The following ANKRD55 variants were observed in gnomAD, a reference collection of about 807,000 sequenced individuals.
ANKRD55 encodes ankyrin repeat domain-containing protein 55.
In ANKRD55, 41 loss-of-function variants were observed where a neutral mutation model predicts 60.6. The observed-to-expected ratio is 0.68, with a 90% CI of 0.53 to 0.88. The LOEUF (loss-of-function observed/expected upper bound fraction) is 0.88. ANKRD55 is among the 40% of genes least tolerant of loss of function. ANKRD55 has a pLI of 0.00. For missense variants in ANKRD55, 732 were observed against 767.6 expected (o/e 0.95, Z 0.55); for synonymous variants, 264 against 290.3 (o/e 0.91, Z 0.92).
chr5:56,184,083 C>T (rs1401849148), intron 2 of ANKRD55, among the ~76,000 whole-genome samples: 2 of 152,180 alleles, frequency 1.3e-5, no homozygotes, highest in Non-Finnish European at 2.9e-5. Flanking sequence ...GTGAGGCAGC[C>T]TTTCCCACCC....
chr5:56,222,747 G>C (rs1381654436), intron 2 of ANKRD55, among the ~76,000 whole-genome samples: 1 of 152,178 alleles, frequency 6.6e-6, no homozygotes, highest in Admixed American at 6.5e-5. Context: ...GGAAGAAAGG[G>C]TATCAGTGAT....
In ANKRD55 at chr5:56,111,343, G is replaced by T; in HGVS notation, c.1405C>A (p.Arg469=). The part of the protein sequence containing the change: ...LSSAPHHMAQ[R]SQKSRSEQDL... ...TGCTCACTTCGACTTTTCTGAGATC[G>T]CTGGGCCATATGATGAGGAGCAGAG... is the stretch of plus-strand genomic sequence containing the variant. The change falls in exon 10 of 12, where the codon CGA becomes AGA. Residue 469 remains arginine, a synonymous_variant. Transcript: ENST00000341048. 6.2e-7 allele frequency: 1 copy of T among 1,614,120 alleles called. No individual in the cohort carries two copies. Among genetic ancestry groups the T allele is most frequent in the Non-Finnish European group, 8.5e-7 (1 of 1,180,040 alleles).
intron 2 of ANKRD55, among the ~76,000 whole-genome samples, chr5:56,229,667 T>C (rs1760202011): frequency 6.6e-6 from 1 of 151,974 alleles, no homozygotes; most frequent in Admixed American, 6.5e-5. Flanking sequence ...TATAGGAAAA[T>C]GCATGTGGAG....
rs41518846 is a variant in ANKRD55, at chr5:56,127,455, G to C, written c.613-349C>G. The stretch of plus-strand genomic sequence containing the variant: ...CACCTAGACAACAACTTGCTCATTA[G>C]GTCTGATCATTTGTGTCCCCATTTG... On this transcript the variant is annotated intron_variant, in intron 7 of 11. Transcript: ENST00000341048. The C allele has an allele frequency of 3.0e-3, 3,002 of 985,194 alleles. 68 individuals are homozygous for C. In the African/African-American group the frequency reaches 0.048, roughly 16 times the overall value. The allele number at this position is 985,194 out of a possible 1,614,324, so 61.0% of individuals were successfully genotyped here. A position where few individuals can be genotyped will look rare whatever the true frequency, so the allele number is the denominator to read the frequency against.
intron 9 of ANKRD55, among the ~76,000 whole-genome samples, chr5:56,112,521 A>C (rs1756762380): frequency 7.9e-6 from 1 of 126,598 alleles, no homozygotes; most frequent in African/African-American, 4.5e-5. Flanking sequence ...AAAAAAAAAA[A>C]ACAACCAAGG....
intron 2 of ANKRD55, among the ~76,000 whole-genome samples, chr5:56,187,295 G>C (rs998499506): frequency 3.9e-5 from 6 of 152,182 alleles, no homozygotes; most frequent in Non-Finnish European, 7.3e-5. Context: ...AGGTAGTAAA[G>C]AGAGCTCACT....
rs144347045 is a variant in ANKRD55 at position 56,177,251 on chromosome 5, C to T, written c.182-969G>A. On this transcript the variant is annotated intron_variant, in intron 3 of 11. Coordinates refer to ENST00000341048, the MANE Select transcript of ANKRD55 (RefSeq NM_024669.3). ...AGTTGCAGTCGGCAACTCAATTTCT[C>T]TCCAATTTTTTTCCTTCTGAAACTC... 3.2e-3 allele frequency among the ~76,000 whole-genome samples: 481 copies of T among 152,184 alleles called. 3 individuals carry two copies. Among genetic ancestry groups the T allele is most frequent in the African/African-American group, 0.011 (464 of 41,508 alleles).
At chr5:56,170,384 C>G (rs1758583844) in intron 5 of ANKRD55, among the ~76,000 whole-genome samples, 1 of 152,070 alleles carries the variant, frequency 6.6e-6, no homozygotes. Flanking sequence ...ATAACATGTG[C>G]TCGAAAAATA....
intron 3 of ANKRD55, among the ~76,000 whole-genome samples, chr5:56,178,193 CTT>C (rs532357908): frequency 8.4e-5 from 12 of 142,980 alleles, no homozygotes; most frequent in East Asian, 2.0e-4. Flanking sequence ...TCTTTTCTTT[CTT>C]TTTTTTTTTT....
chr5:56,113,858 T>G (rs1756809460), intron 9 of ANKRD55, among the ~76,000 whole-genome samples: 1 of 151,852 alleles, frequency 6.6e-6, no homozygotes, highest in African/African-American at 2.4e-5. Flanking sequence ...CCATCTTGGC[T>G]AGGCTAGTCT....
chr5:56,220,897 A>G (rs1388798533), intron 2 of ANKRD55, among the ~76,000 whole-genome samples: 1 of 152,208 alleles, frequency 6.6e-6, no homozygotes, highest in African/African-American at 2.4e-5. Flanking sequence ...GAACAGGAAA[A>G]AAAGATTCTT....
intron 5 of ANKRD55, among the ~76,000 whole-genome samples, chr5:56,168,541 A>G (rs1029902317): frequency 2.6e-5 from 4 of 152,274 alleles, no homozygotes; most frequent in African/African-American, 9.6e-5. Flanking sequence ...TTTTATTATT[A>G]TTGTTGTTAA....
chr5:56,126,896 C>T (rs1387971528), intron 8 of ANKRD55, 26 bp downstream of exon 8: 14 of 1,576,846 alleles, frequency 8.9e-6, no homozygotes, highest in Non-Finnish European at 1.1e-5. Context: ...ACTAGTTTCC[C>T]AGCACTTTCT....
At chr5:56,137,446 T>A (rs1757637293) in intron 7 of ANKRD55, 3 of 833,926 alleles carry the variant, frequency 3.6e-6, no homozygotes, top group Non-Finnish European at 6.2e-6. Context: ...GAACAAAATG[T>A]TCCTAAACCA....
intron 5 of ANKRD55, among the ~76,000 whole-genome samples, chr5:56,170,052 A>G (rs1245670835): frequency 6.6e-6 from 1 of 152,126 alleles, no homozygotes; most frequent in Non-Finnish European, 1.5e-5. Flanking sequence ...AATTTACTTC[A>G]GTGTATTTCT....
At chr5:56,190,390 A>G (rs535480761) in intron 2 of ANKRD55, among the ~76,000 whole-genome samples, 7 of 152,294 alleles carry the variant, frequency 4.6e-5, no homozygotes, top group African/African-American at 1.7e-4. Context: ...TAGCCAAGAA[A>G]TCATTGCCAA....
At chr5:56,126,121 G>A (rs554797624) in intron 8 of ANKRD55, among the ~76,000 whole-genome samples, 7 of 152,030 alleles carry the variant, frequency 4.6e-5, no homozygotes, top group South Asian at 2.1e-4. Context: ...GCATCAAAGC[G>A]AGACTCCATC....
intron 5 of ANKRD55, among the ~76,000 whole-genome samples, chr5:56,164,621 C>A (rs190927427): frequency 1.3e-5 from 2 of 152,162 alleles, no homozygotes; most frequent in African/African-American, 4.8e-5. Context: ...GCTTGCCTTC[C>A]AACACTAGCA....
chr5:56,198,527 C>T (rs1442257837), intron 2 of ANKRD55, among the ~76,000 whole-genome samples: 1 of 152,008 alleles, frequency 6.6e-6, no homozygotes, highest in East Asian at 2.0e-4. Context: ...TCAGGTGATC[C>T]GCCTGCCTCA....
Sources: allele counts gnomAD v4.1 joint callset (sites outside exome capture counted in the v4.1 genomes callset), GRCh38; gene constraint gnomAD v4.1.1; transcripts MANE v1.5; gene names NCBI Gene and HGNC (gene_info 2026-07-23, HGNC 2026-07-21).